Variants in EPG5 observed in about 807,000 individuals in gnomAD.
EPG5 encodes the protein ectopic P granules protein 5 homolog.
Under a neutral mutation model 302.7 loss-of-function variants are expected in EPG5, and 159 were observed. The ratio of observed to expected loss-of-function variants is 0.53; its 90% confidence interval spans 0.46 to 0.60. EPG5 has a LOEUF of 0.60. EPG5 is among the 20% of genes least tolerant of loss of function. EPG5 has a pLI of 0.00. For synonymous variants in EPG5, 1,158 were observed against 1,136.8 expected, an observed-to-expected ratio of 1.02 and a Z score of -0.37; for missense variants, 2,896 against 3,092.4, an observed-to-expected ratio of 0.94 and a Z score of 1.51.
At chr18:45,841,588 G>A in the EPG5 span, among the ~76,000 whole-genome samples, 81 of 152,264 alleles carry the variant, frequency 5.3e-4, 1 homozygote, top group East Asian at 0.013. Flanking sequence ...GGGGAAGTGG[G>A]TAGACGGGAG....
chr18:45,816,429 G>T, the EPG5 span, among the ~76,000 whole-genome samples: 1 of 151,290 alleles, frequency 6.6e-6, no homozygotes, highest in South Asian at 2.1e-4. Flanking sequence ...AAACAAATCA[G>T]CAAGAAAAAA....
chr18:45,861,689 C>T (rs1036944256), intron 39 of EPG5, among the ~76,000 whole-genome samples: 4 of 152,204 alleles, frequency 2.6e-5, no homozygotes, highest in African/African-American at 9.6e-5. Flanking sequence ...TCACTCAATA[C>T]TTACAATATC....
At chr18:45,817,463 C>T in the EPG5 span, among the ~76,000 whole-genome samples, 2 of 152,126 alleles carry the variant, frequency 1.3e-5, no homozygotes, top group Non-Finnish European at 2.9e-5. Flanking sequence ...TTTTATAATT[C>T]TGTGAGTGAG....
At chr18:45,868,185 G>A (rs1258746005) in intron 36 of EPG5, 1 of 455,672 alleles carries the variant, frequency 2.2e-6, no homozygotes, top group South Asian at 1.6e-5. Flanking sequence ...CAGACTGCTG[G>A]GCCTACCCCT....
chr18:45,814,059 T>C, the EPG5 span, among the ~76,000 whole-genome samples: 178 of 152,262 alleles, frequency 1.2e-3, no homozygotes, highest in African/African-American at 4.2e-3. Context: ...CACAGATTAC[T>C]TAATAACTGT....
intron 25 of EPG5, among the ~76,000 whole-genome samples, chr18:45,903,331 C>G (rs570481788): frequency 6.6e-6 from 1 of 151,998 alleles, no homozygotes; most frequent in East Asian, 1.9e-4. Flanking sequence ...TAGAAGAAAC[C>G]AGCCAGCACC....
the EPG5 span, among the ~76,000 whole-genome samples, chr18:45,830,965 CAT>C: frequency 6.6e-6 from 1 of 152,230 alleles, no homozygotes; most frequent in African/African-American, 2.4e-5. Flanking sequence ...CATTTTCAGA[CAT>C]AGATTTTTAG....
At chr18:45,965,780 G>A (rs908145852) in intron 1 of EPG5, among the ~76,000 whole-genome samples, 2 of 152,212 alleles carry the variant, frequency 1.3e-5, no homozygotes, top group East Asian at 3.8e-4. Flanking sequence ...TAGGGTGGGC[G>A]CGGTGGCTCA....
chr18:45,806,964 G>A, the EPG5 span, among the ~76,000 whole-genome samples: 2 of 152,126 alleles, frequency 1.3e-5, no homozygotes, highest in African/African-American at 2.4e-5. Context: ...GGCAGGTATC[G>A]TGCGGCAAGT....
At chr18:45,874,233 G>A (rs1460216154) in intron 35 of EPG5, among the ~76,000 whole-genome samples, 2 of 152,224 alleles carry the variant, frequency 1.3e-5, no homozygotes, top group Non-Finnish European at 1.5e-5. Flanking sequence ...AATGTCCAGA[G>A]TGGGGAAGGC....
At chr18:45,891,309 G>C (rs542310372) in intron 27 of EPG5, among the ~76,000 whole-genome samples, 1 of 151,926 alleles carries the variant, frequency 6.6e-6, no homozygotes, top group Non-Finnish European at 1.5e-5. Flanking sequence ...GACATGCCTG[G>C]CCAACGTGGT....
the EPG5 span, among the ~76,000 whole-genome samples, chr18:45,818,422 T>A: frequency 3.3e-5 from 5 of 152,160 alleles, no homozygotes; most frequent in Non-Finnish European, 5.9e-5. Flanking sequence ...TCTAAAGAGA[T>A]GACTGGTTGA....
In EPG5 at chr18:45,916,564, G is replaced by C. The variant is rs1482148787; in HGVS notation, c.3258C>G (p.Leu1086=). The C allele has an allele frequency of 1.9e-6, 3 of 1,600,674 alleles. No individual in the cohort carries two copies. In the South Asian group the frequency reaches 3.3e-5, roughly 18 times the overall value. The part of the protein sequence containing the change: ...LKNEQFLSHL[L]LFLHLDSGVP... ...CACCGCTGTCCAAGTGTAGGAACAA[G>C]AGGAGATGCGATAAAAACCTGCCAA... is the stretch of plus-strand genomic sequence containing the variant. The change falls in exon 18 of 44, where the codon CTC becomes CTG. Residue 1086 remains leucine, a synonymous_variant. Transcript: ENST00000282041.
chr18:45,808,265 C>A, the EPG5 span, among the ~76,000 whole-genome samples: 1 of 152,126 alleles, frequency 6.6e-6, no homozygotes, highest in Non-Finnish European at 1.5e-5. Flanking sequence ...ATCAGTGTTC[C>A]TGAGGAAGAA....
chr18:45,827,423 A>C, the EPG5 span, among the ~76,000 whole-genome samples: 3 of 152,152 alleles, frequency 2.0e-5, no homozygotes, highest in East Asian at 5.8e-4. Context: ...TCCCAAGTTG[A>C]CCTAACTTAG....
Position 45,852,711 on chromosome 18 carries a change from G to A in EPG5, c.7558-62C>T, listed in dbSNP as rs1191763769. 6.4e-6 allele frequency: 9 copies of A among 1,398,938 alleles called. No individual in the cohort carries two copies. In the East Asian group the frequency reaches 1.1e-4, roughly 18 times the overall value. The allele number at this position is 1,398,938 out of a possible 1,614,324, so 86.7% of individuals were successfully genotyped here. On this transcript the variant is annotated intron_variant, in intron 43 of 43. Coordinates refer to ENST00000282041, the MANE Select transcript of EPG5 (RefSeq NM_020964.3). ...GAGGCACATAATGTGACTGCCAGAG[G>A]TACAGCACACCCATTATCACTGTGT...
intron 14 of EPG5, among the ~76,000 whole-genome samples, chr18:45,925,486 A>T (rs894035129): frequency 6.6e-6 from 1 of 152,188 alleles, no homozygotes; most frequent in African/African-American, 2.4e-5. Flanking sequence ...CAAAAAAAAT[A>T]AAAAATAAAA....
At chr18:45,830,583 CTTTTTTTT>C in the EPG5 span, among the ~76,000 whole-genome samples, 5 of 96,702 alleles carry the variant, frequency 5.2e-5, no homozygotes, top group Admixed American at 1.4e-4. Context: ...ATTTTTCTTT[CTTTTTTTT>C]TTTTTTTTTT....
At chr18:45,906,489 A>G (rs1476984939) in intron 24 of EPG5, among the ~76,000 whole-genome samples, 2 of 151,818 alleles carry the variant, frequency 1.3e-5, no homozygotes, top group Non-Finnish European at 2.9e-5. Flanking sequence ...CTTTCTGCCC[A>G]TTAACATCCT....
Sources: allele counts gnomAD v4.1 joint callset (sites outside exome capture counted in the v4.1 genomes callset), GRCh38; gene constraint gnomAD v4.1.1; transcripts MANE v1.5; gene names NCBI Gene and HGNC (gene_info 2026-07-23, HGNC 2026-07-21).